ERC1: variants seen among roughly 807,000 people sequenced by gnomAD.
ERC1 encodes ELKS/RAB6-interacting/CAST family member 1.
A neutral mutation model predicts 132.0 loss-of-function variants in ERC1; 56 were observed. The ratio of observed to expected loss-of-function variants is 0.42; its 90% CI spans 0.34 to 0.53. The LOEUF is 0.53. Among genes scored for constraint, ERC1 ranks in the 20% least tolerant of loss-of-function variants. The pLI is 0.03. For synonymous variants in ERC1, 478 were observed against 476.1 expected (o/e 1.00, Z -0.05); for missense variants, 1,202 against 1,349.9 (o/e 0.89, Z 1.72).
chr12:1,366,047 T>C (rs1029224638), intron 15 of ERC1, among the ~76,000 whole-genome samples: 1 of 152,312 alleles, frequency 6.6e-6, no homozygotes, highest in Non-Finnish European at 1.5e-5. Context: ...AAATGATGAC[T>C]GCCAGAGGCT....
chr12:1,495,021 G>A lies in ERC1; in HGVS notation c.*4791G>A, dbSNP rs539950856. On this transcript the variant is annotated 3_prime_UTR_variant, in exon 19 of 19. Coordinates refer to ENST00000360905, the MANE Select transcript of ERC1 (RefSeq NM_178040.4). The stretch of plus-strand genomic sequence containing the variant: ...ACGAGAATCTGGGGCTCAGAGCCTC[G>A]CAGTTGTGCCAGGATTTTCCTATAC... 3.1e-4 allele frequency: 70 copies of A among 229,058 alleles called. 1 individual carries two copies. Among genetic ancestry groups the A allele is most frequent in the Admixed American group, 1.8e-3 (31 of 17,614 alleles). 14.2% of individuals were successfully genotyped at this position (229,058 alleles called of 1,614,324 possible).
At chr12:1,383,566 G>A (rs1456948530) in intron 16 of ERC1, among the ~76,000 whole-genome samples, 3 of 152,120 alleles carry the variant, frequency 2.0e-5, no homozygotes, top group African/African-American at 4.8e-5. Flanking sequence ...CCTGGGAGGC[G>A]GAGGTTGCAG....
At chr12:1,338,370 T>G (rs768802303) in intron 15 of ERC1, among the ~76,000 whole-genome samples, 11 of 152,210 alleles carry the variant, frequency 7.2e-5, no homozygotes, top group Admixed American at 5.2e-4. Context: ...TATAGTGTGT[T>G]TTTCAGCTCT....
chr12:1,195,872 T>TCCC (rs1342745023), intron 12 of ERC1, among the ~76,000 whole-genome samples: 6 of 127,328 alleles, frequency 4.7e-5, no homozygotes, highest in Admixed American at 8.9e-5. Context: ...TGTACTTATT[T>TCCC]CCGCCCCCCC....
At chr12:1,418,663 T>C (rs1284755394) in intron 17 of ERC1, among the ~76,000 whole-genome samples, 156 of 116,664 alleles carry the variant, frequency 1.3e-3, no homozygotes, top group African/African-American at 6.6e-3. Flanking sequence ...CTCTCTCTCT[T>C]TCTTTTCTTT....
rs7301330 is a variant in ERC1, at chr12:1,314,462, T to C, written c.2780+24450T>C. 5.3e-3 allele frequency among the ~76,000 whole-genome samples: 813 copies of C among 152,286 alleles called. 6 individuals are homozygous for C. The highest frequency in any genetic ancestry group is 0.018 in the African/African-American group (766 of 41,574). ...AACAAGTATTTGAGTGTAAAGATAG[T>C]CTGAAGTAGTAAACGAGGGCAACTA... On this transcript the variant is annotated intron_variant, in intron 15 of 18. Coordinates refer to ENST00000360905, the MANE Select transcript of ERC1 (RefSeq NM_178040.4).
chr12:1,201,174 A>G (rs968044038), intron 12 of ERC1, among the ~76,000 whole-genome samples: 18 of 151,732 alleles, frequency 1.2e-4, no homozygotes, highest in Admixed American at 2.0e-4. Flanking sequence ...TTTTGTCACA[A>G]TGAAATGCCA....
intron 18 of ERC1, among the ~76,000 whole-genome samples, chr12:1,450,975 A>G (rs1364012417): frequency 6.6e-6 from 1 of 152,132 alleles, no homozygotes; most frequent in Non-Finnish European, 1.5e-5. Flanking sequence ...TATCTATTCA[A>G]GTTCTCAGCC....
chr12:1,161,128 A>G (rs1013989945), intron 8 of ERC1, among the ~76,000 whole-genome samples: 2 of 152,128 alleles, frequency 1.3e-5, no homozygotes, highest in Non-Finnish European at 2.9e-5. Flanking sequence ...GTTTTCCACT[A>G]TGTGCTAGGC....
At chr12:1,139,850 G>A (rs1949707777) in intron 7 of ERC1, among the ~76,000 whole-genome samples, 1 of 152,026 alleles carries the variant, frequency 6.6e-6, no homozygotes, top group South Asian at 2.1e-4. Flanking sequence ...ACAAAGGGTA[G>A]ATTTAGTAGG....
intron 15 of ERC1, among the ~76,000 whole-genome samples, chr12:1,333,567 A>G (rs768742101): frequency 7.2e-5 from 11 of 151,868 alleles, no homozygotes; most frequent in South Asian, 2.1e-4. Context: ...TCCTGACCTC[A>G]TGATCCACCC....
chr12:1,479,007 G>A (rs997825732), intron 18 of ERC1, among the ~76,000 whole-genome samples: 2 of 151,988 alleles, frequency 1.3e-5, no homozygotes, highest in African/African-American at 2.4e-5. Flanking sequence ...TTTGTTAATG[G>A]CATGAGGTAG....
chr12:1,218,015 A>G (rs1211539953), intron 12 of ERC1, among the ~76,000 whole-genome samples: 1 of 152,140 alleles, frequency 6.6e-6, no homozygotes, highest in Non-Finnish European at 1.5e-5. Context: ...AGGCAGTCCT[A>G]ATTAAGAGGA....
chr12:1,316,134 G>GC lies in ERC1; in HGVS notation c.2780+26124dup, dbSNP rs202234882. ...GATCTCCTGACCTCGTGATCCACCC[G>GC]CCTCGGCCTCCCAAAGTGCTGGGAT... is the stretch of plus-strand genomic sequence containing the variant. On this transcript the variant is annotated intron_variant, in intron 15 of 18. Transcript: ENST00000360905. Among the ~76,000 whole-genome samples the GC allele has an allele frequency of 1.5e-3, 234 of 152,232 alleles. 5 individuals are homozygous for GC. In the East Asian group the frequency reaches 0.04, roughly 26 times the overall value.
intron 18 of ERC1, among the ~76,000 whole-genome samples, chr12:1,456,883 A>G (rs1221801096): frequency 6.6e-6 from 1 of 152,146 alleles, no homozygotes. Context: ...CTAATAATCT[A>G]GAGAAAATGA....
At position 1,493,548 on chromosome 12, in the gene ERC1, A is replaced by AAAAATATATATATATATAT. The variant is rs56939346; in HGVS notation, c.*3319_*3320insAAATATATATATATATATA. Reference sequence around the variant, plus strand: ...ACTCCATTTAAAAAAAAAAAAAAAAAATATATATATATATATATATATATA... The same window carrying AAAAATATATATATATATAT: ...ACTCCATTTAAAAAAAAAAAAAAAAAAAAATATATATATATATATATATATATATATATATATATATATA... On this transcript the variant is annotated 3_prime_UTR_variant, in exon 19 of 19. Transcript: ENST00000360905. 2.2e-4 allele frequency: 3 copies of AAAAATATATATATATATAT among 13,620 alleles called. No individual in the cohort carries two copies. Among genetic ancestry groups the AAAAATATATATATATATAT allele is most frequent in the Non-Finnish European group, 2.9e-4 (2 of 6,820 alleles). 0.8% of individuals were successfully genotyped at this position (13,620 alleles called of 1,614,324 possible).
At chr12:1,461,251 T>A (rs938574255) in intron 18 of ERC1, among the ~76,000 whole-genome samples, 12 of 152,194 alleles carry the variant, frequency 7.9e-5, no homozygotes, top group African/African-American at 2.4e-4. Context: ...ATGGATTATA[T>A]ATGAATATGA....
At chr12:1,018,924 T>G (rs1965922746) in intron 1 of ERC1, among the ~76,000 whole-genome samples, 1 of 152,158 alleles carries the variant, frequency 6.6e-6, no homozygotes, top group Admixed American at 6.5e-5. Context: ...GAACTTAGTT[T>G]GGAAAAATGA....
Position 1,028,345 on chromosome 12 carries a change from G to A in ERC1, c.442G>A (p.Asp148Asn), listed in dbSNP as rs1159191060. 2 of 1,614,178 alleles carry A rather than the reference G, an allele frequency of 1.2e-6. No individual in the cohort carries two copies. Among genetic ancestry groups the A allele is most frequent in the Admixed American group, 3.3e-5 (2 of 60,020 alleles). The part of the protein sequence containing the change: ...TVPHSLRQAR[D>N]NTIMDLQTQL... ...ACCTCACTCCCTTCGTCAGGCGAGA[G>A]ATAACACAATCATGGATCTGCAGAC... is the stretch of plus-strand genomic sequence containing the variant. Residue 148 changes from aspartate to asparagine, a missense_variant, in exon 2 of 19, where the codon GAT becomes AAT. Asp to Asn is a conservative substitution (Grantham distance 23). Coordinates refer to ENST00000360905, the MANE Select transcript of ERC1 (RefSeq NM_178040.4).
Sources: allele counts gnomAD v4.1 joint callset (sites outside exome capture counted in the v4.1 genomes callset), GRCh38; gene constraint gnomAD v4.1.1; transcripts MANE v1.5; gene names NCBI Gene and HGNC (gene_info 2026-07-23, HGNC 2026-07-21).